Variants in PDSS2 observed in about 807,000 individuals in gnomAD.
PDSS2 encodes all trans-polyprenyl-diphosphate synthase PDSS2.
Under a neutral mutation model 44.5 loss-of-function variants are expected in PDSS2, and 31 were observed. The ratio of observed to expected loss-of-function variants is 0.70; its 90% CI spans 0.52 to 0.94. The LOEUF (loss-of-function observed/expected upper bound fraction) is 0.94, where lower values mean the gene tolerates loss of function less well. PDSS2 is among the 40% of genes least tolerant of loss of function. The pLI is 0.00. For missense variants in PDSS2, 452 were observed against 482.2 expected, an observed-to-expected ratio of 0.94 and a Z score of 0.59; for synonymous variants, 157 against 180.3, an observed-to-expected ratio of 0.87 and a Z score of 1.03.
In PDSS2 at chr6:107,154,349, G is replaced by T. The variant is rs1198865246; in HGVS notation, c.*270C>A. The stretch of plus-strand genomic sequence containing the variant: ...GACTTATTTCCTGTCCATTTGCTGA[G>T]GTCACAGGAGCGAATCTCATTAATT... On this transcript the variant is annotated 3_prime_UTR_variant, in exon 8 of 8. Coordinates refer to ENST00000369037, the MANE Select transcript of PDSS2 (RefSeq NM_020381.4). 9.5e-6 allele frequency: 4 copies of T among 419,094 alleles called. No homozygotes were observed. The highest frequency in any genetic ancestry group is 2.0e-5 in the African/African-American group (1 of 49,074). 26.0% of individuals were successfully genotyped at this position (419,094 alleles called of 1,614,324 possible).
chr6:107,389,708 C>A (rs62430111), intron 1 of PDSS2, among the ~76,000 whole-genome samples: 1 of 152,114 alleles, frequency 6.6e-6, no homozygotes, highest in African/African-American at 2.4e-5. Flanking sequence ...AGTATACATA[C>A]ATTTCCTTGC....
intron 2 of PDSS2, among the ~76,000 whole-genome samples, chr6:107,292,963 C>G (rs1776393917): frequency 6.6e-6 from 1 of 152,216 alleles, no homozygotes; most frequent in Admixed American, 6.5e-5. Flanking sequence ...AACAAGACAT[C>G]TGGGTGCGGC....
At chr6:107,363,828 ATTAGT>A (rs1347139063) in intron 1 of PDSS2, among the ~76,000 whole-genome samples, 3 of 152,178 alleles carry the variant, frequency 2.0e-5, no homozygotes, top group Non-Finnish European at 4.4e-5. Flanking sequence ...TCCACATCAG[ATTAGT>A]TAAGATACAG....
intron 2 of PDSS2, among the ~76,000 whole-genome samples, chr6:107,313,238 C>T (rs1200514172): frequency 6.6e-6 from 1 of 152,144 alleles, no homozygotes; most frequent in African/African-American, 2.4e-5. Context: ...CTTCCTTGTT[C>T]AGAAGTTCAG....
At chr6:107,365,067 A>G (rs1419671618) in intron 1 of PDSS2, among the ~76,000 whole-genome samples, 1 of 152,228 alleles carries the variant, frequency 6.6e-6, no homozygotes, top group African/African-American at 2.4e-5. Context: ...ACATGAAGAA[A>G]CAAAGAGTGT....
intron 1 of PDSS2, among the ~76,000 whole-genome samples, chr6:107,405,846 C>CAAA (rs1301868631): frequency 1.8e-5 from 1 of 56,790 alleles, no homozygotes. Context: ...GACTCCGTCT[C>CAAA]AAAAAAAAAA....
intron 2 of PDSS2, among the ~76,000 whole-genome samples, chr6:107,307,488 C>CCAACTCACA (rs1776898269): frequency 6.6e-6 from 1 of 151,878 alleles, no homozygotes; most frequent in South Asian, 2.1e-4. Flanking sequence ...TGATATACCT[C>CCAACTCACA]CAACTCACAG....
intron 1 of PDSS2, among the ~76,000 whole-genome samples, chr6:107,369,605 T>G (rs1221797697): frequency 6.6e-6 from 1 of 152,154 alleles, no homozygotes; most frequent in Non-Finnish European, 1.5e-5. Flanking sequence ...GAGAATTCTT[T>G]GTTGTAAAGG....
intron 1 of PDSS2, among the ~76,000 whole-genome samples, chr6:107,421,051 T>C (rs1780808735): frequency 6.6e-6 from 1 of 152,168 alleles, no homozygotes; most frequent in African/African-American, 2.4e-5. Flanking sequence ...GTATTCATCT[T>C]ACCAATGAGG....
At chr6:107,302,440 AT>A (rs35098231) in intron 2 of PDSS2, among the ~76,000 whole-genome samples, 36,461 of 151,526 alleles carry the variant, frequency 0.24, 5,788 homozygotes, top group Middle Eastern at 0.48. Context: ...TGCCTGGCTA[AT>A]TTTTTTTATA....
At chr6:107,262,258 A>G (rs1775266508) in intron 3 of PDSS2, among the ~76,000 whole-genome samples, 1 of 152,112 alleles carries the variant, frequency 6.6e-6, no homozygotes, top group South Asian at 2.1e-4. Context: ...CACACTGTTC[A>G]CAACTCGGTT....
intron 7 of PDSS2, among the ~76,000 whole-genome samples, chr6:107,163,085 A>G (rs1226224580): frequency 6.6e-6 from 1 of 152,204 alleles, no homozygotes; most frequent in Non-Finnish European, 1.5e-5. Flanking sequence ...TGTCATTTTG[A>G]AAGACCAGCC....
chr6:107,277,146 CT>C (rs1303838567), intron 2 of PDSS2, among the ~76,000 whole-genome samples: 3 of 152,104 alleles, frequency 2.0e-5, no homozygotes, highest in African/African-American at 7.2e-5. Flanking sequence ...TCTATCTTTC[CT>C]TTTTTTCTGT....
At chr6:107,401,021 T>C (rs973217814) in intron 1 of PDSS2, among the ~76,000 whole-genome samples, 1 of 152,166 alleles carries the variant, frequency 6.6e-6, no homozygotes, top group Non-Finnish European at 1.5e-5. Flanking sequence ...GCATGGGACA[T>C]CCAAGTACTT....
At chr6:107,256,528 TC>T (rs1775028822) in intron 3 of PDSS2, among the ~76,000 whole-genome samples, 1 of 152,282 alleles carries the variant, frequency 6.6e-6, no homozygotes, top group Non-Finnish European at 1.5e-5. Flanking sequence ...AGGTTTGTAC[TC>T]TAAAGGCAGG....
chr6:107,344,698 G>A (rs1309440859), intron 1 of PDSS2, among the ~76,000 whole-genome samples: 2 of 152,110 alleles, frequency 1.3e-5, no homozygotes, highest in East Asian at 3.9e-4. Context: ...GTTGAGCAGG[G>A]ACTAAATCAA....
rs77998789 is a variant in PDSS2 at position 107,155,160 on chromosome 6, T to A, written c.1042-383A>T. ...TTCTTCCCTTTTTTTTTTTTTTTTTTAAAGAGATGGAGTCTCGCTCTGTCG... is the reference window on the plus strand; with the variant it reads ...TTCTTCCCTTTTTTTTTTTTTTTTTAAAAGAGATGGAGTCTCGCTCTGTCG... On this transcript the variant is annotated intron_variant, in intron 7 of 7. Transcript: ENST00000369037. 1.4e-4 allele frequency among the ~76,000 whole-genome samples: 16 copies of A among 117,052 alleles called. 1 individual carries two copies. In the East Asian group the frequency reaches 3.5e-3, roughly 26 times the overall value. 76.8% of individuals were successfully genotyped at this position (117,052 alleles called of 152,430 possible).
At position 107,459,498 on chromosome 6, in the gene PDSS2, T is replaced by C; in HGVS notation, c.-213A>G. On this transcript the variant is annotated 5_prime_UTR_variant, in exon 1 of 8. Transcript: ENST00000369037. This position sits in a 1 kb window ranked among gnomAD's most constrained non-coding sequence, Gnocchi z 4.3. ...GCAAACAACAGTCCCAGCTCAGCAC[T>C]GCCCCCGGCCACCCGGGGTAGAAAC... 2 of 583,712 alleles carry C rather than the reference T, an allele frequency of 3.4e-6. No individual in the cohort carries two copies. Among genetic ancestry groups the C allele is most frequent in the Non-Finnish European group, 6.1e-6 (2 of 328,138 alleles). 36.2% of individuals were successfully genotyped at this position (583,712 alleles called of 1,614,324 possible).
chr6:107,386,557 C>T (rs1285087648), intron 1 of PDSS2, among the ~76,000 whole-genome samples: 1 of 152,036 alleles, frequency 6.6e-6, no homozygotes, highest in East Asian at 1.9e-4. Flanking sequence ...GTCATAAAAC[C>T]AGAGTCCACA....
Sources: allele counts gnomAD v4.1 joint callset (sites outside exome capture counted in the v4.1 genomes callset), GRCh38; gene constraint gnomAD v4.1.1; non-coding constraint Gnocchi (gnomAD v3.1); transcripts MANE v1.5; gene names NCBI Gene and HGNC (gene_info 2026-07-23, HGNC 2026-07-21).